ATP5MC2: variants seen among roughly 807,000 people sequenced by gnomAD.
ATP5MC2 encodes ATP synthase F(0) complex subunit C2, mitochondrial.
In ATP5MC2, 11 loss-of-function variants were observed where a neutral mutation model predicts 13.5. The ratio of observed to expected loss-of-function variants is 0.81; its 90% confidence interval spans 0.51 to 1.35. ATP5MC2 has a LOEUF of 1.35. Ranked by LOEUF, ATP5MC2 falls within the 40% of genes most tolerant of loss-of-function variation. ATP5MC2 has a pLI of 0.00. For synonymous variants in ATP5MC2, 64 were observed against 69.7 expected, an observed-to-expected ratio of 0.92 and a Z score of 0.41; for missense variants, 132 against 175.0, an observed-to-expected ratio of 0.75 and a Z score of 1.39.
intron 2 of ATP5MC2, 31 bp from the exon 3 acceptor site, chr12:53,669,979 G>T (rs918240185): frequency 1.9e-6 from 3 of 1,607,936 alleles, no homozygotes; most frequent in South Asian, 2.2e-5. Context: ...GGGCAGGAAG[G>T]TCAAGGAAGA....
chr12:53,675,756 A>C (rs1945244088), intron 1 of ATP5MC2, among the ~76,000 whole-genome samples: 1 of 152,198 alleles, frequency 6.6e-6, no homozygotes, highest in Non-Finnish European at 1.5e-5. Flanking sequence ...GGGCGAGAAA[A>C]GAGTGTTTGC....
intron 4 of ATP5MC2, among the ~76,000 whole-genome samples, chr12:53,665,906 C>A (rs1419855420): frequency 6.6e-6 from 1 of 152,158 alleles, no homozygotes; most frequent in African/African-American, 2.4e-5. Flanking sequence ...TGGGGCATAA[C>A]CTCAGAATCC....
At chr12:53,676,969 C>T (rs972424860), upstream of ATP5MC2, 8 of 152,396 alleles carry the variant, frequency 5.2e-5, no homozygotes, top group African/African-American at 1.9e-4. Flanking sequence ...CAGGACCTGC[C>T]CTGCCCTTTG....
At position 53,667,950 on chromosome 12, in the gene ATP5MC2, C is replaced by CATATAT. The variant is rs1281755104; in HGVS notation, c.311+1197_311+1198insATATAT. ...AAACATTCTAATACATACATACATA[C>CATATAT]ACACACATATATATATATATATATA... On this transcript the variant is annotated intron_variant, in intron 4 of 4. Transcript: ENST00000394349. 1.6e-3 allele frequency among the ~76,000 whole-genome samples: 60 copies of CATATAT among 37,236 alleles called. 2 individuals are homozygous for CATATAT. Among genetic ancestry groups the CATATAT allele is most frequent in the South Asian group, 6.3e-3 (6 of 950 alleles). 24.4% of individuals were successfully genotyped at this position (37,236 alleles called of 152,430 possible).
At chr12:53,667,992 T>C (rs1206475148) in intron 4 of ATP5MC2, among the ~76,000 whole-genome samples, 21 of 98,616 alleles carry the variant, frequency 2.1e-4, no homozygotes, top group East Asian at 1.7e-3. Context: ...TATATATATA[T>C]ATAAATTTTT....
chr12:53,676,964 C>G (rs1328581509), upstream of ATP5MC2: 1 of 152,368 alleles, frequency 6.6e-6, no homozygotes, highest in African/African-American at 2.4e-5. Context: ...CCAGACAGGA[C>G]CTGCCCTGCC....
chr12:53,679,238 C>CGAGAGAGAGAGAGA (rs59340879), upstream of ATP5MC2, among the ~76,000 whole-genome samples: 979 of 127,718 alleles, frequency 7.7e-3, 49 homozygotes, highest in African/African-American at 0.025. Context: ...ATTTTAAAAA[C>CGAGAGAGAGAGAGA]GAGAGAGAGA....
intron 4 of ATP5MC2, 28 bp from the exon 5 acceptor site, chr12:53,665,456 A>T (rs370133729): frequency 2.6e-6 from 4 of 1,539,136 alleles, no homozygotes; most frequent in Non-Finnish European, 3.6e-6. Flanking sequence ...GAAAAGACTG[A>T]ATTTCTAGTT....
intron 1 of ATP5MC2, 70 bp from the exon 2 acceptor site, chr12:53,672,715 G>A: frequency 1.4e-6 from 2 of 1,436,030 alleles, no homozygotes; most frequent in South Asian, 1.3e-5. Context: ...GCAGAAAAGG[G>A]GCCCTAGAAA....
At chr12:53,672,883 T>C (rs556232547) in intron 1 of ATP5MC2, 11 of 488,302 alleles carry the variant, frequency 2.3e-5, no homozygotes, top group Non-Finnish European at 3.7e-5. Flanking sequence ...AACACTTGGG[T>C]TCAGGTAAGA....
chr12:53,669,930 G>A lies in ATP5MC2; in HGVS notation c.58C>T (p.Leu20=), dbSNP rs748122288. The A allele has an allele frequency of 2.5e-6, 4 of 1,613,954 alleles. No homozygotes were observed. In the African/African-American group the frequency reaches 5.3e-5, roughly 22 times the overall value. The change falls in exon 3 of 5, where the codon CTG becomes TTG. Residue 20 remains leucine (L), a synonymous_variant. Transcript: ENST00000394349. ...ACTGCAGATAGCGGACGGCTCAGCA[G>A]CTGTGAGGTGCTCTTGACCTAGCAG... ...TPSLVKSTSQ[L]LSRPLSAVVL...
At chr12:53,670,791 T>A (rs1427923016) in intron 2 of ATP5MC2, among the ~76,000 whole-genome samples, 4 of 151,764 alleles carry the variant, frequency 2.6e-5, no homozygotes, top group African/African-American at 9.7e-5. Flanking sequence ...CCCAGCTAAT[T>A]TTTGTATTTT....
chr12:53,674,877 G>A (rs1490749891), intron 1 of ATP5MC2, among the ~76,000 whole-genome samples: 2 of 152,154 alleles, frequency 1.3e-5, no homozygotes, highest in African/African-American at 2.4e-5. Flanking sequence ...AAATCCAATA[G>A]TTCTTTAAGG....
At chr12:53,671,884 A>G (rs1289837284) in intron 2 of ATP5MC2, among the ~76,000 whole-genome samples, 8 of 152,012 alleles carry the variant, frequency 5.3e-5, no homozygotes, top group Non-Finnish European at 8.8e-5. Context: ...TCACGAGGTC[A>G]GGAGTTTGAG....
chr12:53,669,304 G>A lies in ATP5MC2; in HGVS notation c.155C>T (p.Ser52Leu), dbSNP rs775100336. Reference sequence around the variant, plus strand: ...TTGGAAGCTGCGGCTAGAGACAAGTGAGGTAAGGGGACATGAGACTGCCAA... The same window carrying A: ...TTGGAAGCTGCGGCTAGAGACAAGTAAGGTAAGGGGACATGAGACTGCCAA... Reference protein sequence around the residue: ...SSLAVSCPLTSLVSSRSFQTS... With the variant: ...SSLAVSCPLTLLVSSRSFQTS... Residue 52 changes from serine to leucine, a missense_variant, in exon 4 of 5, where the codon TCA becomes TTA. Physicochemically the swap from Ser to Leu is moderately radical, Grantham distance 145. Transcript: ENST00000394349. 4.3e-6 allele frequency: 7 copies of A among 1,614,016 alleles called. No homozygotes were observed. In the African/African-American group the frequency reaches 8.0e-5, roughly 18 times the overall value.
chr12:53,678,416 T>G (rs898513382), upstream of ATP5MC2, among the ~76,000 whole-genome samples: 2 of 152,076 alleles, frequency 1.3e-5, no homozygotes, highest in African/African-American at 2.4e-5. Flanking sequence ...TTAAGGGCAT[T>G]GCAACTCAAT....
intron 4 of ATP5MC2, 89 bp downstream of exon 4, chr12:53,669,059 T>C (rs957585641): frequency 6.8e-7 from 1 of 1,473,704 alleles, no homozygotes. Flanking sequence ...GTGGCTACAG[T>C]GTGGGATAGT....
At chr12:53,667,141 T>C (rs1009002607) in intron 4 of ATP5MC2, among the ~76,000 whole-genome samples, 3 of 152,184 alleles carry the variant, frequency 2.0e-5, no homozygotes, top group African/African-American at 7.2e-5. Context: ...CAGTCAGACT[T>C]CTTGTTTAAT....
upstream of ATP5MC2, among the ~76,000 whole-genome samples, chr12:53,678,204 T>C (rs1030766292): frequency 1.3e-5 from 2 of 152,202 alleles, no homozygotes; most frequent in Non-Finnish European, 2.9e-5. Context: ...TCTAAATCTA[T>C]TTCCTCCTAT....
Sources: gnomAD v4.1 joint callset for allele counts (sites outside exome capture counted in the v4.1 genomes callset) on GRCh38, gnomAD v4.1.1 for gene constraint, MANE v1.5 for transcripts, NCBI Gene and HGNC (gene_info 2026-07-23, HGNC 2026-07-21) for gene names.